The following NALCN variants were observed in gnomAD, a reference collection of about 807,000 sequenced individuals.
NALCN encodes sodium leak channel NALCN.
NALCN carries 111 observed loss-of-function variants against 225.3 expected under a neutral mutation model. That is an observed-to-expected ratio of 0.49 (90% CI 0.42 to 0.58). The LOEUF (loss-of-function observed/expected upper bound fraction) is 0.58, where lower values mean the gene tolerates loss of function less well. Ranked by LOEUF, NALCN falls within the 20% of genes least tolerant of loss-of-function variation. The pLI is 0.00. For missense variants in NALCN, 1,378 were observed against 2,202.4 expected, an observed-to-expected ratio of 0.63 and a Z score of 7.49; for synonymous variants, 764 against 769.0, an observed-to-expected ratio of 0.99 and a Z score of 0.11.
intron 3 of NALCN, among the ~76,000 whole-genome samples, chr13:101,382,461 C>T (rs551131082): frequency 2.0e-5 from 3 of 151,964 alleles, no homozygotes; most frequent in South Asian, 4.2e-4. Flanking sequence ...TTAACAAAAT[C>T]ACTTCTCCAG....
intron 7 of NALCN, among the ~76,000 whole-genome samples, chr13:101,319,155 T>C (rs919093447): frequency 2.0e-5 from 3 of 152,162 alleles, no homozygotes; most frequent in East Asian, 1.9e-4. Flanking sequence ...CCAGACAAAA[T>C]GGAGGAAGTC....
intron 22 of NALCN, among the ~76,000 whole-genome samples, chr13:101,106,113 T>C (rs1421511989): frequency 6.6e-6 from 1 of 152,210 alleles, no homozygotes; most frequent in Non-Finnish European, 1.5e-5. Flanking sequence ...GTTCCAGGGC[T>C]GTCTCCTTGA....
intron 6 of NALCN, among the ~76,000 whole-genome samples, chr13:101,370,168 A>C (rs17583943): frequency 0.23 from 35,424 of 151,982 alleles, 4,318 homozygotes; most frequent in African/African-American, 0.27. Flanking sequence ...TATCCTCTTT[A>C]CCTTTCTCAT....
At chr13:101,188,754 G>A (rs538209261) in intron 14 of NALCN, among the ~76,000 whole-genome samples, 4 of 143,724 alleles carry the variant, frequency 2.8e-5, no homozygotes, top group East Asian at 2.0e-4. Context: ...GCATGATCTC[G>A]GCTCACTGCA....
intron 15 of NALCN, among the ~76,000 whole-genome samples, chr13:101,147,661 C>A (rs1480422850): frequency 2.0e-5 from 3 of 152,204 alleles, no homozygotes; most frequent in Non-Finnish European, 4.4e-5. Flanking sequence ...GCCTCAGCCT[C>A]CTGAGTAGCC....
intron 14 of NALCN, among the ~76,000 whole-genome samples, chr13:101,189,593 G>A (rs17678470): frequency 0.079 from 12,088 of 152,158 alleles, 565 homozygotes; most frequent in East Asian, 0.22. Context: ...ATCAGATATC[G>A]AGTGACCAGC....
chr13:101,115,593 T>A (rs921100447), intron 18 of NALCN, among the ~76,000 whole-genome samples: 2 of 152,212 alleles, frequency 1.3e-5, no homozygotes, highest in East Asian at 1.9e-4. Flanking sequence ...ACTTGAATAT[T>A]CCATTTTGTT....
In NALCN at chr13:101,360,739, G is replaced by A. The variant is rs2046228739; in HGVS notation, c.645-15319C>T. On this transcript the variant is annotated intron_variant, in intron 6 of 43. Transcript: ENST00000251127. ...GTCACTAAATAAATAAAATTGAGAT[G>A]GTTGTCCGTCCCAGAAAACAAAGAC... is the stretch of plus-strand genomic sequence containing the variant. 7.9e-5 allele frequency among the ~76,000 whole-genome samples: 12 copies of A among 152,116 alleles called. No individual in the cohort carries two copies. In the South Asian group the frequency reaches 2.5e-3, roughly 32 times the overall value.
intron 22 of NALCN, among the ~76,000 whole-genome samples, chr13:101,106,004 G>A (rs2035075125): frequency 6.6e-6 from 1 of 152,140 alleles, no homozygotes; most frequent in Admixed American, 6.6e-5. Flanking sequence ...GATGGCTCAA[G>A]CAACATAAGT....
chr13:101,253,093 T>C (rs2042111038), intron 11 of NALCN, among the ~76,000 whole-genome samples: 1 of 152,114 alleles, frequency 6.6e-6, no homozygotes, highest in Non-Finnish European at 1.5e-5. Flanking sequence ...TAATATATTC[T>C]CTTAGATCAC....
At chr13:101,103,561 C>CGT (rs35723947) in intron 25 of NALCN, among the ~76,000 whole-genome samples, 17 of 151,004 alleles carry the variant, frequency 1.1e-4, no homozygotes, top group Admixed American at 3.3e-4. Flanking sequence ...GTGTCCACAC[C>CGT]GTGTGTGTGT....
intron 7 of NALCN, among the ~76,000 whole-genome samples, chr13:101,330,788 T>A (rs973121059): frequency 6.6e-6 from 1 of 152,156 alleles, no homozygotes; most frequent in Non-Finnish European, 1.5e-5. Context: ...GCTGTTCTCA[T>A]GATGGTGAAT....
chr13:101,377,119 AACAT>A, intron 4 of NALCN, 63 bp from the exon 5 acceptor site: 1 of 1,602,590 alleles, frequency 6.2e-7, no homozygotes, highest in Non-Finnish European at 8.5e-7. Context: ...ATAGTCATGG[AACAT>A]ACAGATGTTA....
chr13:101,124,189 C>G (rs868652350), intron 18 of NALCN, among the ~76,000 whole-genome samples: 3 of 152,110 alleles, frequency 2.0e-5, no homozygotes, highest in South Asian at 4.1e-4. Context: ...GATTGGTATA[C>G]TTTTTATTAT....
chr13:101,249,751 A>T (rs2042006768), intron 11 of NALCN, among the ~76,000 whole-genome samples: 1 of 152,148 alleles, frequency 6.6e-6, no homozygotes, highest in Non-Finnish European at 1.5e-5. Context: ...GAGCTTTATT[A>T]ACATGATGAA....
intron 17 of NALCN, among the ~76,000 whole-genome samples, chr13:101,126,405 A>T (rs1425088011): frequency 6.6e-6 from 1 of 151,966 alleles, no homozygotes; most frequent in Non-Finnish European, 1.5e-5. Context: ...TGGAACTTCC[A>T]TTTTCTTGGT....
At position 101,215,403 on chromosome 13, in the gene NALCN, C is replaced by T. The variant is rs150773064; in HGVS notation, c.1626+13990G>A. On this transcript the variant is annotated intron_variant, in intron 13 of 43. Coordinates refer to ENST00000251127, the MANE Select transcript of NALCN (RefSeq NM_052867.4). ...TTGATGTGTAACAAATTACCACAAA[C>T]GAAGCAGCTTAACACTCATTTGTTA... 1.2e-3 allele frequency among the ~76,000 whole-genome samples: 183 copies of T among 152,246 alleles called. 1 individual carries two copies. Among genetic ancestry groups the T allele is most frequent in the Non-Finnish European group, 2.1e-3 (143 of 68,014 alleles).
chr13:101,231,382 C>T (rs1433749916), intron 12 of NALCN, among the ~76,000 whole-genome samples: 4 of 152,012 alleles, frequency 2.6e-5, no homozygotes, highest in South Asian at 2.1e-4. Context: ...TATTACAAAG[C>T]GAGTATAACA....
At chr13:101,360,065 CTTTT>C (rs967125614) in intron 6 of NALCN, among the ~76,000 whole-genome samples, 39 of 146,128 alleles carry the variant, frequency 2.7e-4, no homozygotes, top group African/African-American at 8.4e-4. Context: ...CTCTTTCTTT[CTTTT>C]TCTTTCTTTC....
Sources: gnomAD v4.1 joint callset for allele counts (sites outside exome capture counted in the v4.1 genomes callset) on GRCh38, gnomAD v4.1.1 for gene constraint, MANE v1.5 for transcripts, NCBI Gene and HGNC (gene_info 2026-07-23, HGNC 2026-07-21) for gene names.